The following NPR1 variants were observed in gnomAD, a reference collection of about 807,000 sequenced individuals.
NPR1 encodes atrial natriuretic peptide receptor 1.
NPR1 carries 57 observed loss-of-function variants against 116.9 expected under a neutral mutation model. The observed-to-expected ratio is 0.49, with a 90% CI of 0.39 to 0.61. NPR1 has a LOEUF of 0.61. Among genes scored for constraint, NPR1 ranks in the 20% least tolerant of loss-of-function variants. The pLI, the probability that NPR1 is intolerant of heterozygous loss-of-function variation, is 0.00. For missense variants in NPR1, 1,096 were observed against 1,409.8 expected (o/e 0.78, Z 3.56); for synonymous variants, 555 against 601.6 (o/e 0.92, Z 1.13).
chr1:153,689,626 G>A lies in NPR1; in HGVS notation c.2757+105G>A. ...GTGGAGTCTTAAGAGAGGAGATCGG[G>A]GACACGGGCAGAGACAGTGACACAG... On this transcript the variant is annotated intron_variant, in intron 18 of 21. Coordinates refer to ENST00000368680, the MANE Select transcript of NPR1 (RefSeq NM_000906.4). This position sits in a 1 kb window ranked among gnomAD's most constrained non-coding sequence, Gnocchi z 5.1. 1.5e-6 allele frequency: 2 copies of A among 1,295,102 alleles called. No individual in the cohort carries two copies. Among genetic ancestry groups the A allele is most frequent in the Non-Finnish European group, 2.2e-6 (2 of 906,228 alleles). The allele number at this position is 1,295,102 out of a possible 1,614,324, so 80.2% of individuals were successfully genotyped here. A position where few individuals can be genotyped will look rare whatever the true frequency, so the allele number is the denominator to read the frequency against.
chr1:153,681,053 G>A (rs914109857), intron 2 of NPR1, 127 bp from the exon 3 acceptor site: 2 of 666,734 alleles, frequency 3.0e-6, no homozygotes, highest in South Asian at 3.5e-5. Flanking sequence ...CAGGGCATAG[G>A]GTCCAGTTTG....
chr1:153,681,922 G>T (rs1289864011), intron 4 of NPR1, 83 bp downstream of exon 4: 3 of 1,541,962 alleles, frequency 1.9e-6, no homozygotes, highest in Non-Finnish European at 2.6e-6. Context: ...GAAGCCTATT[G>T]TCCTGCAGCA....
intron 20 of NPR1, among the ~76,000 whole-genome samples, chr1:153,690,586 C>G (rs1670079383): frequency 6.6e-6 from 1 of 152,040 alleles, no homozygotes; most frequent in Non-Finnish European, 1.5e-5. Context: ...CCCCTCTTGT[C>G]AAACGATGTA....
At chr1:153,686,309 G>T in intron 10 of NPR1, 109 bp downstream of exon 10, 2 of 1,052,484 alleles carry the variant, frequency 1.9e-6, no homozygotes, top group Non-Finnish European at 2.9e-6. Flanking sequence ...CCAAGAAAGG[G>T]GCAGGGACTG....
intron 3 of NPR1, 162 bp downstream of exon 3, chr1:153,681,455 A>C: frequency 1.6e-6 from 1 of 640,592 alleles, no homozygotes; most frequent in Non-Finnish European, 2.7e-6. Flanking sequence ...TGGCAAGTTC[A>C]GCCTCTGAAA....
chr1:153,690,942 C>CAAAAAAAA lies in NPR1; in HGVS notation c.3031+580_3031+587dup, dbSNP rs57820357. 2.6e-3 allele frequency among the ~76,000 whole-genome samples: 132 copies of CAAAAAAAA among 51,316 alleles called. 1 individual carries two copies. The highest frequency in any genetic ancestry group is 8.9e-3 in the African/African-American group (127 of 14,284). The allele number at this position is 51,316 out of a possible 152,430, so 33.7% of individuals were successfully genotyped here. A position where few individuals can be genotyped will look rare whatever the true frequency, so the allele number is the denominator to read the frequency against. The stretch of plus-strand genomic sequence containing the variant: ...GGGCAATAAGAGTTAAACTCTGTCT[C>CAAAAAAAA]AAAAAAAAAAAAAAAAAAAAAAAAA... On this transcript the variant is annotated intron_variant, in intron 20 of 21. Coordinates refer to ENST00000368680, the MANE Select transcript of NPR1 (RefSeq NM_000906.4).
Position 153,690,469 on chromosome 1 carries a change from G to A in NPR1, c.3031+87G>A, listed in dbSNP as rs529562886. ...GGGGCAGCCTGTGCCTGCACAGCCC[G>A]TTTCAGCTCCTAGCCCTTTCGCCTC... On this transcript the variant is annotated intron_variant, in intron 20 of 21. Coordinates refer to ENST00000368680, the MANE Select transcript of NPR1 (RefSeq NM_000906.4). 38 of 942,332 alleles carry A rather than the reference G, an allele frequency of 4.0e-5. No homozygotes were observed. The East Asian group carries it at 4.5e-4, about 11-fold the overall frequency. The allele number at this position is 942,332 out of a possible 1,614,324, so 58.4% of individuals were successfully genotyped here.
Position 153,679,267 on chromosome 1 carries a change from G to T in NPR1, c.159G>T (p.Ala53=), listed in dbSNP as rs780885950. 2 of 1,527,970 alleles carry T rather than the reference G, an allele frequency of 1.3e-6. No homozygotes were observed. Among genetic ancestry groups the T allele is most frequent in the South Asian group, 2.4e-5 (2 of 83,218 alleles). The allele number at this position is 1,527,970 out of a possible 1,614,324, so 94.7% of individuals were successfully genotyped here. A position where few individuals can be genotyped will look rare whatever the true frequency, so the allele number is the denominator to read the frequency against. Residue 53 remains alanine, a synonymous_variant, in exon 1 of 22, where the codon GCG becomes GCT. Coordinates refer to ENST00000368680, the MANE Select transcript of NPR1 (RefSeq NM_000906.4). This position sits in a 1 kb window ranked among gnomAD's most constrained non-coding sequence, Gnocchi z 4.2. ...LANTSYPWSW[A]RVGPAVELAL... is the part of the protein sequence containing the mutation. The stretch of plus-strand genomic sequence containing the variant: ...ATACCTCGTACCCCTGGTCGTGGGC[G>T]CGCGTGGGACCCGCCGTGGAGCTGG...
rs140972056 is a variant in NPR1, at chr1:153,681,815, C to T, written c.1147C>T (p.Arg383Trp). 8 of 1,613,762 alleles carry T rather than the reference C, an allele frequency of 5.0e-6. No individual in the cohort carries two copies. The Middle Eastern group carries it at 4.9e-4, about 99-fold the overall frequency. ...TVTDGENITQRMWNRSFQGVT... is the reference protein window; with the variant it reads ...TVTDGENITQWMWNRSFQGVT... ...TACTGATGGGGAGAACATCACTCAG[C>T]GGATGTGGAACCGAAGCTTTCAAGG... Residue 383 changes from arginine (R) to tryptophan (W), a missense_variant, in exon 4 of 22, where the codon CGG becomes TGG. By Grantham distance (101) the Arg-to-Trp change is moderately radical. Coordinates refer to ENST00000368680, the MANE Select transcript of NPR1 (RefSeq NM_000906.4).
At position 153,680,491 on chromosome 1, in the gene NPR1, C is replaced by T. The variant is rs766890399; in HGVS notation, c.722-10C>T. 2 of 1,613,988 alleles carry T rather than the reference C, an allele frequency of 1.2e-6. No individual in the cohort carries two copies. Among genetic ancestry groups the T allele is most frequent in the Middle Eastern group, 1.6e-4 (1 of 6,062 alleles). Reference sequence around the variant, plus strand: ...TAGGCTTCTCTCTCTGACTCTCCGTCTTTCTCCAGTTATCTACATCTGCAG... The same window carrying T: ...TAGGCTTCTCTCTCTGACTCTCCGTTTTTCTCCAGTTATCTACATCTGCAG... On this transcript the variant is annotated splice_polypyrimidine_tract_variant and intron_variant, in intron 1 of 21. Coordinates refer to ENST00000368680, the MANE Select transcript of NPR1 (RefSeq NM_000906.4).
chr1:153,687,858 C>A, intron 14 of NPR1, 69 bp downstream of exon 14: 1 of 1,484,764 alleles, frequency 6.7e-7, no homozygotes, highest in African/African-American at 1.4e-5. Flanking sequence ...GGAGAGGGTC[C>A]CCTGGCAGCA....
At chr1:153,686,566 G>A in intron 10 of NPR1, 80 bp from the exon 11 acceptor site, 1 of 1,133,320 alleles carries the variant, frequency 8.8e-7, no homozygotes, top group Non-Finnish European at 1.3e-6. Context: ...GTTAAGAAGA[G>A]TGAGGGTCCC....
rs1215286767 is a variant in NPR1, at chr1:153,689,569, G to A, written c.2757+48G>A. On this transcript the variant is annotated intron_variant, in intron 18 of 21. Coordinates refer to ENST00000368680, the MANE Select transcript of NPR1 (RefSeq NM_000906.4). This position sits in a 1 kb window ranked among gnomAD's most constrained non-coding sequence, Gnocchi z 5.1. The stretch of plus-strand genomic sequence containing the variant: ...GAAGGGACAGACAGACATGGACAAG[G>A]TCAGAAAAAGATGAGGGGTAGGCAG... The A allele has an allele frequency of 6.4e-7, 1 of 1,563,190 alleles. No individual in the cohort carries two copies. The highest frequency in any genetic ancestry group is 1.1e-5 in the South Asian group (1 of 90,072).
chr1:153,683,472 A>G lies in NPR1; in HGVS notation c.1360A>G (p.Lys454Glu). The G allele has an allele frequency of 6.2e-7, 1 of 1,614,192 alleles. No individual in the cohort carries two copies. The highest frequency in any genetic ancestry group is 8.5e-7 in the Non-Finnish European group (1 of 1,180,034). ...GGGGTACCCTCCTCCTGACATCCCC[A>G]AATGTGGCTTTGACAACGAAGACCC... ...PLGYPPPDIPKCGFDNEDPAC... is the reference protein window; with the variant it reads ...PLGYPPPDIPECGFDNEDPAC... The change falls in exon 6 of 22, where the codon AAA becomes GAA. Residue 454 changes from lysine (K) to glutamate (E), a missense_variant. Transcript: ENST00000368680.
chr1:153,685,962 G>C (rs1669916475), intron 9 of NPR1, 82 bp downstream of exon 9: 1 of 1,457,418 alleles, frequency 6.9e-7, no homozygotes, highest in Non-Finnish European at 9.6e-7. Context: ...GGTTCTGAGG[G>C]AAGGAGTAAG....
At position 153,683,390 on chromosome 1, in the gene NPR1, C is replaced by T; in HGVS notation, c.1278C>T (p.Tyr426=). 4.3e-6 allele frequency: 7 copies of T among 1,614,112 alleles called. No homozygotes were observed. The highest frequency in any genetic ancestry group is 5.9e-6 in the Non-Finnish European group (7 of 1,179,994). The change falls in exon 6 of 22, where the codon TAC becomes TAT. Residue 426 remains tyrosine (Y), a synonymous_variant. Coordinates refer to ENST00000368680, the MANE Select transcript of NPR1 (RefSeq NM_000906.4). ...CTCTCCCTTAGGTTGTACTGAACTA[C>T]AATGGGACTTCCCAAGAGCTGGTGG... ...ENGAFRVVLN[Y]NGTSQELVAV...
chr1:153,683,661 C>T (rs1276663797), intron 6 of NPR1, 79 bp from the exon 7 acceptor site: 1 of 1,540,350 alleles, frequency 6.5e-7, no homozygotes, highest in African/African-American at 1.4e-5. Context: ...TCCCAGTTCA[C>T]TGATGGACTA....
Position 153,693,636 on chromosome 1 carries a change from T to G in NPR1, c.*222T>G, listed in dbSNP as rs940421432. 2.1e-6 allele frequency: 1 copy of G among 485,336 alleles called. No homozygotes were observed. The highest frequency in any genetic ancestry group is 2.0e-5 in the African/African-American group (1 of 50,328). The allele number at this position is 485,336 out of a possible 1,614,324, so 30.1% of individuals were successfully genotyped here. ...ACAGGCTGAGCCAAGCCCACGGCCA[T>G]GCACAGGGACACTCACACAGGCACA... On this transcript the variant is annotated 3_prime_UTR_variant, in exon 22 of 22. Coordinates refer to ENST00000368680, the MANE Select transcript of NPR1 (RefSeq NM_000906.4).
Position 153,685,856 on chromosome 1 carries a change from C to T in NPR1, c.1656C>T (p.Val552=). 1 of 1,614,136 alleles carries T rather than the reference C, an allele frequency of 6.2e-7. No homozygotes were observed. The highest frequency in any genetic ancestry group is 8.5e-7 in the Non-Finnish European group (1 of 1,179,994). The change falls in exon 9 of 22, where the codon GTC becomes GTT. Residue 552 remains valine, a synonymous_variant. Coordinates refer to ENST00000368680, the MANE Select transcript of NPR1 (RefSeq NM_000906.4). ...SLLTTEGQFQ[V]FAKTAYYKGN... ...TAACCACAGAGGGCCAGTTCCAAGT[C>T]TTTGCCAAGACAGCATATTATAAGG...
Sources: allele counts gnomAD v4.1 joint callset (sites outside exome capture counted in the v4.1 genomes callset), GRCh38; gene constraint gnomAD v4.1.1; non-coding constraint Gnocchi (gnomAD v3.1); transcripts MANE v1.5; gene names NCBI Gene and HGNC (gene_info 2026-07-23, HGNC 2026-07-21).